RAB38: variants seen among roughly 807,000 people sequenced by gnomAD.
The protein encoded by RAB38 is ras-related protein Rab-38.
In RAB38, 15 loss-of-function variants were observed where a neutral mutation model predicts 18.4. The ratio of observed to expected loss-of-function variants is 0.82; its 90% CI spans 0.55 to 1.26. The LOEUF (loss-of-function observed/expected upper bound fraction) is 1.26, where lower values mean the gene tolerates loss of function less well. Among genes scored for constraint, RAB38 ranks in the 50% most tolerant of loss-of-function variants. The probability of loss-of-function intolerance (pLI) is 0.00; values close to 1 mark genes in which losing one functional copy is unlikely to be tolerated. For synonymous variants in RAB38, 101 were observed against 104.4 expected (o/e 0.97, Z 0.20); for missense variants, 294 against 267.4 (o/e 1.10, Z -0.69).
chr11:87,826,422 T>C, the RAB38 span, among the ~76,000 whole-genome samples: 1 of 152,196 alleles, frequency 6.6e-6, no homozygotes, highest in Non-Finnish European at 1.5e-5. Flanking sequence ...TATTTTATAA[T>C]CTTTTATTAC....
chr11:88,145,221 G>T (rs1942967585), intron 2 of RAB38, among the ~76,000 whole-genome samples: 1 of 151,804 alleles, frequency 6.6e-6, no homozygotes, highest in African/African-American at 2.4e-5. Context: ...GCGATCTCAG[G>T]TCACTGCAAC....
the RAB38 span, among the ~76,000 whole-genome samples, chr11:87,958,821 C>T: frequency 6.6e-6 from 1 of 152,152 alleles, no homozygotes; most frequent in African/African-American, 2.4e-5. Flanking sequence ...GAGTAAGTGA[C>T]ATATGCAAAT....
At chr11:87,881,099 A>G in the RAB38 span, among the ~76,000 whole-genome samples, 1 of 151,686 alleles carries the variant, frequency 6.6e-6, no homozygotes, top group Non-Finnish European at 1.5e-5. Flanking sequence ...CCCACCTTGG[A>G]CTCTCAAATT....
chr11:88,030,008 A>T, the RAB38 span, among the ~76,000 whole-genome samples: 1 of 152,156 alleles, frequency 6.6e-6, no homozygotes, highest in African/African-American at 2.4e-5. Flanking sequence ...ATGTAAAAGA[A>T]CAGAAGTTAT....
the RAB38 span, among the ~76,000 whole-genome samples, chr11:88,025,395 C>A: frequency 6.6e-6 from 1 of 151,970 alleles, no homozygotes; most frequent in Non-Finnish European, 1.5e-5. Flanking sequence ...GGGTATATAC[C>A]GAGTAACGGG....
At chr11:87,879,406 A>G in the RAB38 span, 1 of 151,612 alleles carries the variant, frequency 6.6e-6, no homozygotes, top group African/African-American at 2.4e-5. Flanking sequence ...GTAAGTGAGA[A>G]GACTTTTTTT....
chr11:88,029,797 C>T, the RAB38 span, among the ~76,000 whole-genome samples: 15 of 152,058 alleles, frequency 9.9e-5, no homozygotes, highest in African/African-American at 3.4e-4. Flanking sequence ...TTTAACACCC[C>T]ACTGTCAACA....
At chr11:88,033,207 T>C in the RAB38 span, among the ~76,000 whole-genome samples, 2 of 150,092 alleles carry the variant, frequency 1.3e-5, no homozygotes, top group East Asian at 3.9e-4. Flanking sequence ...AAGGGGAACG[T>C]GACACTCTGG....
chr11:87,830,697 A>C, the RAB38 span, among the ~76,000 whole-genome samples: 1 of 152,156 alleles, frequency 6.6e-6, no homozygotes, highest in African/African-American at 2.4e-5. Flanking sequence ...TATAGGATTG[A>C]TAGATTATAA....
At chr11:87,952,907 T>C in the RAB38 span, among the ~76,000 whole-genome samples, 1 of 152,172 alleles carries the variant, frequency 6.6e-6, no homozygotes, top group Non-Finnish European at 1.5e-5. Flanking sequence ...AGATAACCAC[T>C]GTGTTTGTGT....
At chr11:88,116,599 C>A (rs1285854948) in intron 2 of RAB38, among the ~76,000 whole-genome samples, 2 of 152,188 alleles carry the variant, frequency 1.3e-5, no homozygotes, top group East Asian at 1.9e-4. Flanking sequence ...TGCTAAGCTG[C>A]ATTCCTTTTC....
the RAB38 span, among the ~76,000 whole-genome samples, chr11:88,106,808 T>C: frequency 6.6e-6 from 1 of 152,176 alleles, no homozygotes; most frequent in Non-Finnish European, 1.5e-5. Flanking sequence ...TGATCTTTTC[T>C]TTTCCAATAT....
At chr11:87,973,740 T>G in the RAB38 span, among the ~76,000 whole-genome samples, 1 of 144,384 alleles carries the variant, frequency 6.9e-6, no homozygotes, top group Admixed American at 6.8e-5. Flanking sequence ...GAGAAGCTGA[T>G]GCAGGGCAGA....
intron 1 of RAB38, chr11:88,165,449 A>G (rs1486467229): frequency 6.6e-6 from 1 of 152,186 alleles, no homozygotes; most frequent in Admixed American, 6.5e-5. Flanking sequence ...AATGCATAAA[A>G]CTATGCCTGA....
chr11:87,976,945 TAAA>T, the RAB38 span, among the ~76,000 whole-genome samples: 113 of 58,596 alleles, frequency 1.9e-3, 41 homozygotes, highest in Non-Finnish European at 2.3e-3. Context: ...AAGTATATTA[TAAA>T]ATATAATTAC....
chr11:87,929,820 T>G, the RAB38 span, among the ~76,000 whole-genome samples: 1 of 151,018 alleles, frequency 6.6e-6, no homozygotes, highest in African/African-American at 2.4e-5. Context: ...CGGTGTTTGA[T>G]TTTTTGTCCT....
At chr11:87,910,230 G>C in the RAB38 span, among the ~76,000 whole-genome samples, 3 of 152,128 alleles carry the variant, frequency 2.0e-5, no homozygotes, top group African/African-American at 7.2e-5. Context: ...TGTTGAGCAA[G>C]TTTTCATATG....
the RAB38 span, among the ~76,000 whole-genome samples, chr11:87,912,389 A>G: frequency 5.8e-3 from 883 of 152,084 alleles, 2 homozygotes; most frequent in Middle Eastern, 0.017. Context: ...ATATAGGGCT[A>G]TTCAGGTCAC....
chr11:88,125,206 T>C (rs1266942234), intron 2 of RAB38, among the ~76,000 whole-genome samples: 2 of 152,204 alleles, frequency 1.3e-5, no homozygotes, highest in South Asian at 2.1e-4. Flanking sequence ...TGGGCTCACA[T>C]TGCGTACTCA....
Sources: gnomAD v4.1 joint callset for allele counts (sites outside exome capture counted in the v4.1 genomes callset) on GRCh38, gnomAD v4.1.1 for gene constraint, MANE v1.5 for transcripts, NCBI Gene and HGNC (gene_info 2026-07-23, HGNC 2026-07-21) for gene names.